WNK1: variants seen among roughly 807,000 people sequenced by gnomAD.
The protein encoded by WNK1 is WNK lysine deficient protein kinase 1.
In WNK1, 38 loss-of-function variants were observed where a neutral mutation model predicts 222.8. That is an observed-to-expected ratio of 0.17 (90% confidence interval 0.13 to 0.22). The LOEUF is 0.22. Ranked by LOEUF, WNK1 falls within the 10% of genes least tolerant of loss-of-function variation. WNK1 has a pLI of 1.00. For missense variants in WNK1, 2,348 were observed against 2,918.4 expected (o/e 0.80, Z 4.50); for synonymous variants, 1,090 against 1,092.9 (o/e 1.00, Z 0.05).
intron 1 of WNK1, among the ~76,000 whole-genome samples, chr12:805,303 C>T (rs143857712): frequency 1.5e-3 from 222 of 152,208 alleles, no homozygotes; most frequent in African/African-American, 5.2e-3. Context: ...CCCTACTGGC[C>T]CTTTTTTTGG....
At chr12:811,192 T>C (rs1946870653) in intron 1 of WNK1, among the ~76,000 whole-genome samples, 2 of 152,186 alleles carry the variant, frequency 1.3e-5, no homozygotes, top group African/African-American at 4.8e-5. Flanking sequence ...TGATACGGTC[T>C]TTTAAAATTT....
At chr12:785,870 G>C (rs1356098560) in intron 1 of WNK1, among the ~76,000 whole-genome samples, 1 of 152,126 alleles carries the variant, frequency 6.6e-6, no homozygotes, top group Non-Finnish European at 1.5e-5. Context: ...ACTGAAAACT[G>C]ATAAATAAAT....
chr12:853,554 A>T (rs1950553910), intron 4 of WNK1, among the ~76,000 whole-genome samples: 1 of 152,224 alleles, frequency 6.6e-6, no homozygotes, highest in Non-Finnish European at 1.5e-5. Context: ...GCTAGACAGG[A>T]AACCTGAAGC....
intron 2 of WNK1, among the ~76,000 whole-genome samples, chr12:821,782 C>T (rs1947901882): frequency 6.6e-6 from 1 of 152,126 alleles, no homozygotes; most frequent in Non-Finnish European, 1.5e-5. Flanking sequence ...ATACATCATG[C>T]TCTTCTTTAT....
intron 22 of WNK1, among the ~76,000 whole-genome samples, chr12:892,937 A>G (rs1304787888): frequency 6.6e-6 from 1 of 152,176 alleles, no homozygotes; most frequent in Non-Finnish European, 1.5e-5. Context: ...CAGATCTATA[A>G]GAGAATATTT....
chr12:885,527 G>C lies in WNK1; in HGVS notation c.4723G>C (p.Val1575Leu). The C allele has an allele frequency of 6.2e-7, 1 of 1,614,098 alleles. No homozygotes were observed. Among genetic ancestry groups the C allele is most frequent in the Non-Finnish European group, 8.5e-7 (1 of 1,180,020 alleles). Residue 1575 changes from valine (V) to leucine (L), a missense_variant, in exon 19 of 28, where the codon GTG becomes CTG. This residue lies in a region of WNK1 where 1,144 missense variants were observed against 1,273.6 expected (regional missense o/e 0.90). Coordinates refer to ENST00000315939, the MANE Select transcript of WNK1 (RefSeq NM_018979.4). ...GCTGCATCCTTTGGTCATTCCATCA[G>C]TGATAGCTTCTACTCCTATTCTTCC... Reference protein sequence around the residue: ...GGLHPLVIPSVIASTPILPQA... With the variant: ...GGLHPLVIPSLIASTPILPQA...
chr12:825,934 G>C (rs976108362), intron 2 of WNK1, among the ~76,000 whole-genome samples: 1 of 152,144 alleles, frequency 6.6e-6, no homozygotes, highest in Non-Finnish European at 1.5e-5. Flanking sequence ...TCAATCCCCA[G>C]ATGTATCTTT....
intron 12 of WNK1, 28 bp downstream of exon 12, chr12:881,027 G>A (rs1336530332): frequency 1.2e-6 from 2 of 1,613,516 alleles, no homozygotes; most frequent in South Asian, 2.2e-5. Context: ...ATGTTTATAT[G>A]TAAAACGTAT....
At chr12:765,687 T>C (rs1365136628) in intron 1 of WNK1, among the ~76,000 whole-genome samples, 3 of 152,148 alleles carry the variant, frequency 2.0e-5, no homozygotes, top group African/African-American at 7.2e-5. Flanking sequence ...TCTCAGCACT[T>C]CTGGGAGGCC....
At chr12:866,276 C>T (rs1418028466) in intron 8 of WNK1, among the ~76,000 whole-genome samples, 7 of 152,094 alleles carry the variant, frequency 4.6e-5, no homozygotes, top group African/African-American at 1.2e-4. Flanking sequence ...TTTGCCAGCT[C>T]GATAAGGATC....
In WNK1 at chr12:764,285, T is replaced by C. The variant is rs1225594455; in HGVS notation, c.759+9961T>C. Among the ~76,000 whole-genome samples the C allele has an allele frequency of 4.1e-5, 6 of 147,512 alleles. 1 individual carries two copies. The highest frequency in any genetic ancestry group is 1.5e-5 in the Non-Finnish European group (1 of 66,050). On this transcript the variant is annotated intron_variant, in intron 1 of 27. Coordinates refer to ENST00000315939, the MANE Select transcript of WNK1 (RefSeq NM_018979.4). Reference sequence around the variant, plus strand: ...TAGTAGTAATTGTGGAGAATGAATTTAACAAGTAGTAAAGAAATGTAGTAG... The same window carrying C: ...TAGTAGTAATTGTGGAGAATGAATTCAACAAGTAGTAAAGAAATGTAGTAG...
In WNK1 at chr12:822,116, C is replaced by T. The variant is rs530513033; in HGVS notation, c.933-4926C>T. On this transcript the variant is annotated intron_variant, in intron 2 of 27. Transcript: ENST00000315939. ...TTTTTTTTTTTTTTTTTTTTTGAGA[C>T]GGAGCCTCGCTCTGTTGCCCAGACT... Among the ~76,000 whole-genome samples the T allele has an allele frequency of 1.7e-4, 15 of 89,878 alleles. No homozygotes were observed. In the South Asian group the frequency reaches 1.9e-3, roughly 11 times the overall value. The allele number at this position is 89,878 out of a possible 152,430, so 59.0% of individuals were successfully genotyped here. A position where few individuals can be genotyped will look rare whatever the true frequency, so the allele number is the denominator to read the frequency against.
At chr12:792,864 T>C (rs77442233) in intron 1 of WNK1, among the ~76,000 whole-genome samples, 8 of 152,154 alleles carry the variant, frequency 5.3e-5, no homozygotes, top group African/African-American at 1.9e-4. Context: ...ACTTTTTTTT[T>C]CTTTAATTCA....
At chr12:858,690 T>C (rs574513611) in intron 5 of WNK1, among the ~76,000 whole-genome samples, 92 of 152,328 alleles carry the variant, frequency 6.0e-4, no homozygotes, top group Middle Eastern at 3.4e-3. Context: ...TTTTCTAGTT[T>C]CTATTTCAGC....
intron 26 of WNK1, among the ~76,000 whole-genome samples, chr12:906,133 C>T (rs1405880590): frequency 6.6e-6 from 1 of 152,142 alleles, no homozygotes; most frequent in East Asian, 1.9e-4. Context: ...ATAACGCATG[C>T]ACTTACTTAC....
intron 4 of WNK1, among the ~76,000 whole-genome samples, chr12:848,312 A>C (rs1950171609): frequency 6.6e-6 from 1 of 152,078 alleles, no homozygotes; most frequent in Non-Finnish European, 1.5e-5. Context: ...GCTTAAATGG[A>C]GTCAGATGGT....
Position 879,701 on chromosome 12 carries a change from C to G in WNK1, c.2502C>G (p.Pro834=), listed in dbSNP as rs915921192. 5 of 1,613,952 alleles carry G rather than the reference C, an allele frequency of 3.1e-6. No individual in the cohort carries two copies. The highest frequency in any genetic ancestry group is 1.7e-5 in the Admixed American group (1 of 59,990). ...FLPVGQPLPT[P]LLPQYPVSQI... Reference sequence around the variant, plus strand: ...CAGTGGGACAGCCGCTCCCTACTCCCTTGCTCCCTCAGTACCCTGTCTCTC... The same window carrying G: ...CAGTGGGACAGCCGCTCCCTACTCCGTTGCTCCCTCAGTACCCTGTCTCTC... Residue 834 remains proline, a synonymous_variant, in exon 11 of 28, where the codon CCC becomes CCG. Coordinates refer to ENST00000315939, the MANE Select transcript of WNK1 (RefSeq NM_018979.4).
intron 8 of WNK1, chr12:869,246 G>A: frequency 9.4e-6 from 12 of 1,275,666 alleles, no homozygotes; most frequent in African/African-American, 1.5e-5. Context: ...CCATCTTTGG[G>A]GGGTTGTGAA....
chr12:777,300 C>G (rs181630016), intron 1 of WNK1, among the ~76,000 whole-genome samples: 46 of 151,998 alleles, frequency 3.0e-4, no homozygotes, highest in Admixed American at 2.1e-3. Context: ...GCTGGGACTA[C>G]AGGTGCACGC....
Sources: gnomAD v4.1 joint callset for allele counts (sites outside exome capture counted in the v4.1 genomes callset) on GRCh38, gnomAD v4.1.1 for gene constraint, gnomAD v4.1.1 regional missense constraint, MANE v1.5 for transcripts, NCBI Gene and HGNC (gene_info 2026-07-23, HGNC 2026-07-21) for gene names.